Variants in PLXDC1 observed in about 807,000 individuals in gnomAD.
The protein encoded by PLXDC1 is plexin domain-containing protein 1.
PLXDC1 carries 39 observed loss-of-function variants against 61.3 expected under a neutral mutation model. The ratio of observed to expected loss-of-function variants is 0.64; its 90% CI spans 0.49 to 0.83. The LOEUF is 0.83. Among genes scored for constraint, PLXDC1 ranks in the 40% least tolerant of loss-of-function variants. The pLI is 0.00. For synonymous variants in PLXDC1, 212 were observed against 254.5 expected (o/e 0.83, Z 1.59); for missense variants, 596 against 666.5 (o/e 0.89, Z 1.17).
At chr17:39,086,658 T>C (rs1909750308) in intron 8 of PLXDC1, among the ~76,000 whole-genome samples, 1 of 151,478 alleles carries the variant, frequency 6.6e-6, no homozygotes, top group African/African-American at 2.4e-5. Context: ...GGTCAGGAGT[T>C]CAAAACCAGC....
intron 6 of PLXDC1, among the ~76,000 whole-genome samples, chr17:39,106,472 C>T (rs529014233): frequency 3.9e-5 from 6 of 151,918 alleles, no homozygotes; most frequent in African/African-American, 1.4e-4. Flanking sequence ...TCCCTTCCAA[C>T]CATGCTGCCT....
chr17:39,136,366 C>A (rs192575261), intron 2 of PLXDC1, among the ~76,000 whole-genome samples: 8 of 152,210 alleles, frequency 5.3e-5, no homozygotes, highest in Admixed American at 1.3e-4. Context: ...TTTAAAAAAT[C>A]AAAATGAATA....
chr17:39,098,771 G>A (rs1191326548), intron 7 of PLXDC1, among the ~76,000 whole-genome samples: 2 of 152,074 alleles, frequency 1.3e-5, no homozygotes, highest in African/African-American at 2.4e-5. Context: ...GGAGTAAGAG[G>A]CGTTTTATAC....
chr17:39,109,908 C>A (rs992947391), intron 2 of PLXDC1, among the ~76,000 whole-genome samples: 1 of 152,018 alleles, frequency 6.6e-6, no homozygotes, highest in African/African-American at 2.4e-5. Flanking sequence ...TTTGGGAGGC[C>A]GAGGCGGGCG....
chr17:39,093,354 G>A (rs995274246), intron 7 of PLXDC1, among the ~76,000 whole-genome samples: 13 of 152,116 alleles, frequency 8.5e-5, no homozygotes, highest in East Asian at 3.9e-4. Context: ...TTACAGGCGC[G>A]AGCCACTGCG....
chr17:39,085,621 T>G (rs1909713528), intron 8 of PLXDC1, among the ~76,000 whole-genome samples: 1 of 151,950 alleles, frequency 6.6e-6, no homozygotes. Context: ...CAGCTCTCAC[T>G]CCCACCCCAG....
At position 39,070,070 on chromosome 17, in the gene PLXDC1, A is replaced by G; in HGVS notation, c.1223-54T>C. ...GGCTGCAGGGGAGCAGGGAAGGTCG[A>G]ACCATGGGGTCTTGGGTTCTAACAA... On this transcript the variant is annotated intron_variant, in intron 12 of 13. Coordinates refer to ENST00000315392, the MANE Select transcript of PLXDC1 (RefSeq NM_020405.5). The G allele has an allele frequency of 4.2e-6, 6 of 1,412,350 alleles. No homozygotes were observed. In the South Asian group the frequency reaches 5.9e-5, roughly 14 times the overall value. The allele number at this position is 1,412,350 out of a possible 1,614,324, so 87.5% of individuals were successfully genotyped here.
At position 39,139,664 on chromosome 17, in the gene PLXDC1, G is replaced by C; in HGVS notation, c.245C>G (p.Thr82Ser). 6.2e-7 allele frequency: 1 copy of C among 1,612,688 alleles called. No homozygotes were observed. The highest frequency in any genetic ancestry group is 8.5e-7 in the Non-Finnish European group (1 of 1,179,482). The change falls in exon 2 of 14, where the codon ACC becomes AGC. Residue 82 changes from threonine to serine, a missense_variant. Physicochemically the swap from Thr to Ser is moderately conservative, Grantham distance 58 (BLOSUM62 1). Coordinates refer to ENST00000315392, the MANE Select transcript of PLXDC1 (RefSeq NM_020405.5). Reference sequence around the variant, plus strand: ...TCCTCCAGCACTCACCACCACCCTGGTCCTGTTATCTGGCAGCGTGTCCAT... The same window carrying C: ...TCCTCCAGCACTCACCACCACCCTGCTCCTGTTATCTGGCAGCGTGTCCAT... Reference protein sequence around the residue: ...LAMDTLPDNRTRVVEDNHSYY... With the variant: ...LAMDTLPDNRSRVVEDNHSYY...
intron 10 of PLXDC1, 116 bp from the exon 11 acceptor site, chr17:39,078,164 G>T: frequency 9.6e-7 from 1 of 1,037,932 alleles, no homozygotes; most frequent in Non-Finnish European, 1.4e-6. Context: ...CCTTCCTCAA[G>T]GAAGGGGCTG....
intron 2 of PLXDC1, among the ~76,000 whole-genome samples, chr17:39,130,846 G>T (rs866838583): frequency 1.3e-5 from 2 of 152,114 alleles, no homozygotes; most frequent in Middle Eastern, 3.2e-3. Flanking sequence ...ACAGGCATGA[G>T]CCACCGCACC....
At chr17:39,072,865 A>G (rs540901916) in intron 11 of PLXDC1, among the ~76,000 whole-genome samples, 8 of 152,252 alleles carry the variant, frequency 5.3e-5, no homozygotes, top group Admixed American at 2.6e-4. Flanking sequence ...GAGAGTCCCA[A>G]CCCACTTTCT....
At chr17:39,146,433 T>C (rs1054634853) in intron 1 of PLXDC1, among the ~76,000 whole-genome samples, 2 of 151,826 alleles carry the variant, frequency 1.3e-5, no homozygotes, top group Non-Finnish European at 2.9e-5. Context: ...TCCCAACACT[T>C]TGGGAGGGTG....
intron 2 of PLXDC1, among the ~76,000 whole-genome samples, chr17:39,123,633 G>A (rs1188423189): frequency 1.3e-5 from 2 of 152,194 alleles, no homozygotes; most frequent in Admixed American, 1.3e-4. Context: ...TTCCAGGAAA[G>A]GGCTTGATTG....
intron 2 of PLXDC1, among the ~76,000 whole-genome samples, chr17:39,128,107 A>ATATATATATATATATATATATG (rs1291982693): frequency 2.0e-4 from 20 of 100,618 alleles, no homozygotes; most frequent in African/African-American, 5.6e-4. Context: ...GTATATATAT[A>ATATATATATATATATATATATG]TATATATGTA....
intron 5 of PLXDC1, 61 bp downstream of exon 5, chr17:39,108,062 T>G: frequency 6.2e-7 from 1 of 1,608,812 alleles, no homozygotes. Context: ...TGTGCTCCTC[T>G]AAAGGACTGG....
intron 7 of PLXDC1, among the ~76,000 whole-genome samples, chr17:39,088,437 C>T (rs779558893): frequency 1.1e-4 from 17 of 152,176 alleles, no homozygotes; most frequent in Non-Finnish European, 1.9e-4. Context: ...GCTGGATAAC[C>T]TCAGGCAAGT....
At chr17:39,088,221 G>A (rs538156091) in intron 7 of PLXDC1, among the ~76,000 whole-genome samples, 6 of 152,238 alleles carry the variant, frequency 3.9e-5, no homozygotes, top group Admixed American at 2.0e-4. Flanking sequence ...CCTGAACCTC[G>A]CTGAGTGCTC....
chr17:39,151,587 G>A lies in PLXDC1; in HGVS notation c.-150C>T, dbSNP rs1355505720. ...GCGGAGCGCGGGGCCGGGCGAGCCG[G>A]CAGGAGCGGCGAGAGCGCGAGCGGA... is the stretch of plus-strand genomic sequence containing the variant. On this transcript the variant is annotated 5_prime_UTR_variant, in exon 1 of 14. Transcript: ENST00000315392. The surrounding 1 kb of genome is among the most constrained non-coding windows in gnomAD (Gnocchi z 5.2). 17 of 1,167,516 alleles carry A rather than the reference G, an allele frequency of 1.5e-5. No individual in the cohort carries two copies. The East Asian group carries it at 1.9e-4, about 13-fold the overall frequency. 72.3% of individuals were successfully genotyped at this position (1,167,516 alleles called of 1,614,324 possible). A position where few individuals can be genotyped will look rare whatever the true frequency, so the allele number is the denominator to read the frequency against.
intron 2 of PLXDC1, among the ~76,000 whole-genome samples, chr17:39,136,377 CA>C (rs1251001406): frequency 1.3e-5 from 2 of 152,018 alleles, no homozygotes; most frequent in African/African-American, 2.4e-5. Flanking sequence ...AAAATGAATA[CA>C]AAAAAATAAT....
Sources: allele counts gnomAD v4.1 joint callset (sites outside exome capture counted in the v4.1 genomes callset), GRCh38; gene constraint gnomAD v4.1.1; non-coding constraint Gnocchi (gnomAD v3.1); transcripts MANE v1.5; gene names NCBI Gene and HGNC (gene_info 2026-07-23, HGNC 2026-07-21).